ATP1B4: variants seen among roughly 807,000 people sequenced by gnomAD.
ATP1B4 encodes protein ATP1B4.
ATP1B4 carries 32 observed loss-of-function variants against 29.6 expected under a neutral mutation model. That is an observed-to-expected ratio of 1.08 (90% confidence interval 0.82 to 1.45). The LOEUF (loss-of-function observed/expected upper bound fraction) is 1.45, where lower values mean the gene tolerates loss of function less well. Ranked by LOEUF, ATP1B4 falls within the 40% of genes most tolerant of loss-of-function variation. The pLI is 0.00. For missense variants in ATP1B4, 323 were observed against 276.2 expected (o/e 1.17, Z -1.20); for synonymous variants, 127 against 102.1 (o/e 1.24, Z -1.47).
chrX:120,367,536 G>A (rs1248434494), intron 2 of ATP1B4, among the ~76,000 whole-genome samples: 2 of 111,821 alleles, frequency 1.8e-5, no homozygotes, highest in Non-Finnish European at 3.8e-5. Flanking sequence ...TTAATGCTGA[G>A]CCTTCTCCTC....
rs1228812657 is a variant in ATP1B4 at position 120,371,122 on chromosome X, C to T, written c.474C>T (p.Pro158=). Residue 158 remains proline (P), a synonymous_variant, in exon 4 of 8, where the codon CCC becomes CCT. Coordinates refer to ENST00000218008, the MANE Select transcript of ATP1B4 (RefSeq NM_001142447.3). Reference sequence around the variant, plus strand: ...CATTGCCAGGAGTTATGATCAGACCCTTCGCCCATAGCCTTAACTTCAACT... The same window carrying T: ...CATTGCCAGGAGTTATGATCAGACCTTTCGCCCATAGCCTTAACTTCAACT... ...RVKPPGVMIR[P]FAHSLNFNFN... is the part of the protein sequence containing the mutation. The T allele has an allele frequency of 8.3e-7, 1 of 1,208,714 alleles. No individual in the cohort carries two copies. Among genetic ancestry groups the T allele is most frequent in the African/African-American group, 1.7e-5 (1 of 57,186 alleles).
Position 120,381,831 on chromosome X carries a change from A to G in ATP1B4, c.*2197A>G, listed in dbSNP as rs1211739800. On this transcript the variant is annotated 3_prime_UTR_variant, in exon 8 of 8. Coordinates refer to ENST00000218008, the MANE Select transcript of ATP1B4 (RefSeq NM_001142447.3). Reference sequence around the variant, plus strand: ...CAAGACTGTGGAATGGGGAATAAGGAAGGAGGAGTTTGGAGAATGACTCCA... The same window carrying G: ...CAAGACTGTGGAATGGGGAATAAGGGAGGAGGAGTTTGGAGAATGACTCCA... 8.9e-6 allele frequency: 1 copy of G among 111,904 alleles called. No individual in the cohort carries two copies. Among genetic ancestry groups the G allele is most frequent in the Non-Finnish European group, 1.9e-5 (1 of 53,178 alleles). 9.2% of individuals were successfully genotyped at this position (111,904 alleles called of 1,213,427 possible). A position where few individuals can be genotyped will look rare whatever the true frequency, so the allele number is the denominator to read the frequency against.
Position 120,366,883 on chromosome X carries a change from T to G in ATP1B4, c.328+94T>G. On this transcript the variant is annotated intron_variant, in intron 2 of 7. Coordinates refer to ENST00000218008, the MANE Select transcript of ATP1B4 (RefSeq NM_001142447.3). ...TTACCATACGCTGGATGGGCTTGTC[T>G]GCAAACTTCTCTTTGCACTTCATGT... 4 of 1,123,082 alleles carry G rather than the reference T, an allele frequency of 3.6e-6. No homozygotes were observed. The South Asian group carries it at 6.8e-5, about 19-fold the overall frequency. The allele number at this position is 1,123,082 out of a possible 1,213,427, so 92.6% of individuals were successfully genotyped here. A position where few individuals can be genotyped will look rare whatever the true frequency, so the allele number is the denominator to read the frequency against.
At chrX:120,377,582 T>C (rs2058362645) in intron 6 of ATP1B4, among the ~76,000 whole-genome samples, 1 of 112,456 alleles carries the variant, frequency 8.9e-6, no homozygotes, top group Non-Finnish European at 1.9e-5. Flanking sequence ...GCATATTAAC[T>C]GGACAGAGTT....
intron 4 of ATP1B4, among the ~76,000 whole-genome samples, chrX:120,371,834 A>G (rs765032867): frequency 8.9e-6 from 1 of 111,816 alleles, no homozygotes; most frequent in South Asian, 3.8e-4. Flanking sequence ...ACGCCCTGCT[A>G]ATTTTTTGTA....
At chrX:120,372,882 T>A (rs1057142630) in intron 4 of ATP1B4, among the ~76,000 whole-genome samples, 2 of 112,039 alleles carry the variant, frequency 1.8e-5, no homozygotes, top group African/African-American at 6.5e-5. Context: ...TAGTTCTATT[T>A]TTAGCTACAG....
chrX:120,376,321 T>A (rs1036157113), intron 5 of ATP1B4, 59 bp from the exon 6 acceptor site: 15 of 1,139,429 alleles, frequency 1.3e-5, no homozygotes, highest in Non-Finnish European at 1.8e-5. Context: ...AAAGCCCAAT[T>A]TTTTACTGTC....
chrX:120,374,762 T>TATATTATA lies in ATP1B4; in HGVS notation c.563-610_563-609insATATTATA, dbSNP rs756799984. Among the ~76,000 whole-genome samples the TATATTATA allele has an allele frequency of 3.3e-3, 77 of 23,572 alleles. 8 individuals carry two copies. The highest frequency in any genetic ancestry group is 5.6e-3 in the Non-Finnish European group (69 of 12,376). The allele number at this position is 23,572 out of a possible 115,157, so 20.5% of individuals were successfully genotyped here. A position where few individuals can be genotyped will look rare whatever the true frequency, so the allele number is the denominator to read the frequency against. On this transcript the variant is annotated intron_variant, in intron 4 of 7. Transcript: ENST00000218008. ...ATATATAAGGGTGTATATATATATA[T>TATATTATA]TATATATATATAATATATATATATT...
chrX:120,376,217 G>C (rs775297047), intron 5 of ATP1B4, among the ~76,000 whole-genome samples, 163 bp from the exon 6 acceptor site: 114 of 111,635 alleles, frequency 1.0e-3, no homozygotes, highest in Non-Finnish European at 1.8e-3. Context: ...TAGCTCTGAA[G>C]ATGTTTTTCA....
intron 1 of ATP1B4, 136 bp from the exon 2 acceptor site, chrX:120,366,389 A>G (rs1431546269): frequency 9.8e-6 from 7 of 717,423 alleles, no homozygotes; most frequent in Non-Finnish European, 1.4e-5. Flanking sequence ...CTCTTGTAAC[A>G]ACATGTATGT....
At chrX:120,371,702 TCTGTCGC>T (rs1479594247) in intron 4 of ATP1B4, among the ~76,000 whole-genome samples, 17 of 112,141 alleles carry the variant, frequency 1.5e-4, no homozygotes, top group Non-Finnish European at 2.6e-4. Context: ...GGAGTCTCAC[TCTGTCGC>T]CCAGGCTGGA....
At chrX:120,369,862 ACG>A (rs2058304411) in intron 2 of ATP1B4, among the ~76,000 whole-genome samples, 3 of 112,472 alleles carry the variant, frequency 2.7e-5, no homozygotes, top group Non-Finnish European at 5.6e-5. Flanking sequence ...TATTGTACAG[ACG>A]AGGAAATTGA....
intron 1 of ATP1B4, among the ~76,000 whole-genome samples, chrX:120,362,749 C>T (rs2058268450): frequency 8.9e-6 from 1 of 111,903 alleles, no homozygotes; most frequent in African/African-American, 3.2e-5. Context: ...GACATTATCT[C>T]TCCAGAACCC....
chrX:120,374,539 TATATATATACCCTTATATATA>T (rs2058331686), intron 4 of ATP1B4, among the ~76,000 whole-genome samples: 1 of 45,423 alleles, frequency 2.2e-5, no homozygotes, highest in African/African-American at 1.1e-4. Flanking sequence ...TTATATATAA[TATATATATACCCTTATATATA>T]ATATATATAT....
At chrX:120,365,055 A>G (rs2058278989) in intron 1 of ATP1B4, among the ~76,000 whole-genome samples, 1 of 111,813 alleles carries the variant, frequency 8.9e-6, no homozygotes, top group African/African-American at 3.3e-5. Flanking sequence ...TCATTAATCT[A>G]CTAAGCTACC....
intron 5 of ATP1B4, among the ~76,000 whole-genome samples, chrX:120,375,821 A>T (rs1602507951): frequency 9.1e-6 from 1 of 109,610 alleles, no homozygotes; most frequent in East Asian, 2.9e-4. Flanking sequence ...ATGGGGTCCT[A>T]GTCAAGTGCA....
In ATP1B4 at chrX:120,366,594, G is replaced by A. The variant is rs762247135; in HGVS notation, c.133G>A (p.Val45Met). Residue 45 changes from valine to methionine, a missense_variant, in exon 2 of 8, where the codon GTG (valine) becomes ATG (methionine). Val to Met is a conservative substitution (Grantham distance 21). Coordinates refer to ENST00000218008, the MANE Select transcript of ATP1B4 (RefSeq NM_001142447.3). ...EEEEAEEEARVTVVPKSEEEE... is the reference protein window; with the variant it reads ...EEEEAEEEARMTVVPKSEEEE... ...GGAGGAAGCAGAAGAAGAGGCTCGG[G>A]TGACGGTGGTGCCCAAATCGGAGGA... 1.0e-4 allele frequency: 120 copies of A among 1,199,353 alleles called. No individual in the cohort carries two copies. The highest frequency in any genetic ancestry group is 1.3e-4 in the Non-Finnish European group (118 of 886,376).
In ATP1B4 at chrX:120,371,230, T is replaced by G; in HGVS notation, c.562+20T>G. 1.8e-6 allele frequency: 2 copies of G among 1,142,853 alleles called. No homozygotes were observed. Among genetic ancestry groups the G allele is most frequent in the Non-Finnish European group, 2.4e-6 (2 of 833,484 alleles). The allele number at this position is 1,142,853 out of a possible 1,213,427, so 94.2% of individuals were successfully genotyped here. ...TCCAGGGTAAGTAAGTTCGTCTGAA[T>G]AGTGGAAAGCTCTTTTGAAAGGTGA... is the stretch of plus-strand genomic sequence containing the variant. On this transcript the variant is annotated intron_variant, in intron 4 of 7. Coordinates refer to ENST00000218008, the MANE Select transcript of ATP1B4 (RefSeq NM_001142447.3).
intron 4 of ATP1B4, among the ~76,000 whole-genome samples, chrX:120,371,616 C>T (rs918254217): frequency 2.7e-5 from 3 of 111,637 alleles, no homozygotes; most frequent in African/African-American, 6.5e-5. Context: ...TAAACTTTCT[C>T]AAGGTAAAAG....
Sources: allele counts gnomAD v4.1 joint callset (sites outside exome capture counted in the v4.1 genomes callset), GRCh38; gene constraint gnomAD v4.1.1; transcripts MANE v1.5; gene names NCBI Gene and HGNC (gene_info 2026-07-23, HGNC 2026-07-21).